Variants in NFIA observed in about 807,000 individuals in gnomAD.
NFIA encodes the protein nuclear factor I A, also known as nuclear factor 1 A-type.
A neutral mutation model predicts 62.8 loss-of-function variants in NFIA; 8 were observed. The observed-to-expected ratio is 0.13, with a 90% CI of 0.07 to 0.23. NFIA has a LOEUF of 0.23. NFIA is among the 10% of genes least tolerant of loss of function. The pLI, the probability that NFIA is intolerant of heterozygous loss-of-function variation, is 1.00. For missense variants in NFIA, 410 were observed against 642.1 expected (o/e 0.64, Z 3.91); for synonymous variants, 235 against 238.1 (o/e 0.99, Z 0.12).
At chr1:61,134,245 A>AGTGTGTGTGTGTGTGT (rs61677972) in intron 2 of NFIA, among the ~76,000 whole-genome samples, 2 of 146,298 alleles carry the variant, frequency 1.4e-5, no homozygotes, top group East Asian at 4.0e-4. Flanking sequence ...TGTGTGTGTG[A>AGTGTGTGTGTGTGTGT]GTGTGTGTGT....
At chr1:61,397,409 G>A (rs1005495666) in intron 7 of NFIA, among the ~76,000 whole-genome samples, 4 of 151,762 alleles carry the variant, frequency 2.6e-5, no homozygotes, top group African/African-American at 9.7e-5. Context: ...GTACTTTTTT[G>A]TCCAAGAGAC....
chr1:61,395,415 AT>A (rs990582887), intron 7 of NFIA, among the ~76,000 whole-genome samples: 10 of 151,766 alleles, frequency 6.6e-5, no homozygotes, highest in African/African-American at 2.2e-4. Context: ...GCAGTTTGTA[AT>A]TCCATTTCAC....
chr1:61,365,696 CCT>C (rs1388134035), intron 6 of NFIA, among the ~76,000 whole-genome samples: 2 of 152,128 alleles, frequency 1.3e-5, no homozygotes, highest in African/African-American at 2.4e-5. Flanking sequence ...CCAGCAAGTC[CCT>C]GTCTCCAAGG....
At chr1:61,170,052 G>C (rs1649848966) in intron 2 of NFIA, among the ~76,000 whole-genome samples, 1 of 152,130 alleles carries the variant, frequency 6.6e-6, no homozygotes, top group African/African-American at 2.4e-5. Flanking sequence ...TGGAAGGCAT[G>C]GTAAATTAGC....
At chr1:61,417,890 G>A (rs1294488922) in intron 9 of NFIA, among the ~76,000 whole-genome samples, 1 of 152,054 alleles carries the variant, frequency 6.6e-6, no homozygotes, top group Non-Finnish European at 1.5e-5. Context: ...TGACCTGTTG[G>A]ATATCACAGA....
rs1668293531 is a variant in NFIA, at chr1:61,456,169, TGAGTA to T, written c.*850_*854del. The T allele has an allele frequency of 6.6e-6, 1 of 152,612 alleles. No homozygotes were observed. Among genetic ancestry groups the T allele is most frequent in the African/African-American group, 2.4e-5 (1 of 41,456 alleles). 9.5% of individuals were successfully genotyped at this position (152,612 alleles called of 1,614,324 possible). A position where few individuals can be genotyped will look rare whatever the true frequency, so the allele number is the denominator to read the frequency against. On this transcript the variant is annotated 3_prime_UTR_variant, in exon 11 of 11. Transcript: ENST00000403491. The stretch of plus-strand genomic sequence containing the variant: ...CAATCAAAACAATCGAATTTTGAAT[TGAGTA>T]AAGTGCAATTTCATTGGATAGCTAA...
chr1:61,284,518 A>T (rs950917179), intron 3 of NFIA, among the ~76,000 whole-genome samples: 17 of 150,864 alleles, frequency 1.1e-4, no homozygotes, highest in Non-Finnish European at 2.1e-4. Context: ...GAGGCTGCAG[A>T]GCTTAAGCCA....
Position 61,302,135 on chromosome 1 carries a change from G to A in NFIA, c.625+24550G>A, listed in dbSNP as rs539396045. On this transcript the variant is annotated intron_variant, in intron 3 of 10. Coordinates refer to ENST00000403491, the MANE Select transcript of NFIA (RefSeq NM_001134673.4). The stretch of plus-strand genomic sequence containing the variant: ...ATGCAGTGGGCAGAGTTTCTCTTTT[G>A]ACCTTGTTCATTCATAGCAGTGAAG... Among the ~76,000 whole-genome samples, 19 of 152,264 alleles carry A rather than the reference G, an allele frequency of 1.2e-4. No homozygotes were observed. The South Asian group carries it at 3.9e-3, about 32-fold the overall frequency.
chr1:61,320,149 G>A (rs915809888), intron 3 of NFIA, among the ~76,000 whole-genome samples: 1 of 151,376 alleles, frequency 6.6e-6, no homozygotes, highest in Admixed American at 6.6e-5. Context: ...GCCTAGAATT[G>A]CATTACATGA....
chr1:61,260,735 C>A (rs1216752004), intron 2 of NFIA, among the ~76,000 whole-genome samples: 2 of 152,122 alleles, frequency 1.3e-5, no homozygotes, highest in Non-Finnish European at 2.9e-5. Context: ...CGCCCACCAC[C>A]AGGCCCGGCT....
At chr1:61,155,450 G>A (rs909124159) in intron 2 of NFIA, among the ~76,000 whole-genome samples, 4 of 151,724 alleles carry the variant, frequency 2.6e-5, no homozygotes, top group Non-Finnish European at 4.4e-5. Flanking sequence ...GAGGCGGGTG[G>A]ATCATGAGGT....
chr1:61,192,930 C>T (rs980252134), intron 2 of NFIA, among the ~76,000 whole-genome samples: 19 of 152,160 alleles, frequency 1.2e-4, no homozygotes, highest in African/African-American at 4.3e-4. Context: ...CATTTTCATC[C>T]TGCATCTTGG....
intron 3 of NFIA, among the ~76,000 whole-genome samples, chr1:61,327,528 C>G (rs1661016371): frequency 6.6e-6 from 1 of 152,040 alleles, no homozygotes; most frequent in Admixed American, 6.6e-5. Context: ...TTTTCCATTC[C>G]TGAGTTACTT....
intron 3 of NFIA, among the ~76,000 whole-genome samples, chr1:61,290,485 A>G (rs1658809055): frequency 6.6e-6 from 1 of 152,232 alleles, no homozygotes; most frequent in Non-Finnish European, 1.5e-5. Context: ...TCTGATTCCT[A>G]GCAGGTCCCA....
At chr1:61,348,829 CCAGA>C (rs1662391966) in intron 4 of NFIA, among the ~76,000 whole-genome samples, 1 of 152,160 alleles carries the variant, frequency 6.6e-6, no homozygotes, top group Admixed American at 6.5e-5. Context: ...GGAGTGAGGG[CCAGA>C]CAGTGTCCGC....
In NFIA at chr1:61,082,585, C is replaced by G; in HGVS notation, c.-207C>G. ...CGGGGTTAAAGTTCAGCTCATGGAG[C>G]GGCAATAGCGCTGGCTGGCTGGCTG... On this transcript the variant is annotated 5_prime_UTR_variant, in exon 1 of 11. Transcript: ENST00000403491. The G allele has an allele frequency of 1.4e-6, 2 of 1,476,954 alleles. No homozygotes were observed. Among genetic ancestry groups the G allele is most frequent in the East Asian group, 5.1e-5 (2 of 39,462 alleles). 91.5% of individuals were successfully genotyped at this position (1,476,954 alleles called of 1,614,324 possible). A position where few individuals can be genotyped will look rare whatever the true frequency, so the allele number is the denominator to read the frequency against.
chr1:61,184,455 A>G (rs1651011602), intron 2 of NFIA, among the ~76,000 whole-genome samples: 1 of 152,240 alleles, frequency 6.6e-6, no homozygotes, highest in African/African-American at 2.4e-5. Flanking sequence ...GCAGACTGGC[A>G]TTTGTCCATA....
At chr1:61,128,889 T>C (rs1412643466) in intron 2 of NFIA, among the ~76,000 whole-genome samples, 8 of 147,630 alleles carry the variant, frequency 5.4e-5, no homozygotes. Context: ...TAGTACTCTT[T>C]CCAGCCAATG....
rs35661377 is a variant in NFIA at position 61,334,535 on chromosome 1, A to ATGTGTGTGTGTGTGTGTGTGTG, written c.700+1970_700+1971insGTGTGTGTGTGTGTGTGTGTGT. Among the ~76,000 whole-genome samples, 13 of 58,566 alleles carry ATGTGTGTGTGTGTGTGTGTGTG rather than the reference A, an allele frequency of 2.2e-4. 1 individual carries two copies. The highest frequency in any genetic ancestry group is 9.2e-4 in the African/African-American group (8 of 8,696). The allele number at this position is 58,566 out of a possible 152,430, so 38.4% of individuals were successfully genotyped here. ...GGGGAGTATTTGTGTGTGTGTATAT[A>ATGTGTGTGTGTGTGTGTGTGTG]TGTGTGTGTGTGTGTGTGTGTATAT... is the stretch of plus-strand genomic sequence containing the variant. On this transcript the variant is annotated intron_variant, in intron 4 of 10. Coordinates refer to ENST00000403491, the MANE Select transcript of NFIA (RefSeq NM_001134673.4).
Sources: allele counts gnomAD v4.1 joint callset (sites outside exome capture counted in the v4.1 genomes callset), GRCh38; gene constraint gnomAD v4.1.1; transcripts MANE v1.5; gene names NCBI Gene and HGNC (gene_info 2026-07-23, HGNC 2026-07-21).